Variants in RP1 observed in about 807,000 individuals in gnomAD.
RP1 encodes oxygen-regulated protein 1.
RP1 carries 16 observed loss-of-function variants against 14.8 expected under a neutral mutation model. That is an observed-to-expected ratio of 1.08 (90% CI 0.73 to 1.65). The LOEUF (loss-of-function observed/expected upper bound fraction) is 1.65. Among genes scored for constraint, RP1 ranks in the 40% most tolerant of loss-of-function variants. The pLI, the probability that RP1 is intolerant of heterozygous loss-of-function variation, is 0.00. For missense variants in RP1, 2,631 were observed against 2,535.0 expected (o/e 1.04, Z -0.81); for synonymous variants, 876 against 883.6 (o/e 0.99, Z 0.15).
At chr8:54,773,653 A>G (rs367551611), downstream of RP1, among the ~76,000 whole-genome samples, 1 of 152,086 alleles carries the variant, frequency 6.6e-6, no homozygotes, top group East Asian at 1.9e-4. Context: ...CTAACTAACT[A>G]AATAAAATAC....
At chr8:54,703,032 T>C (rs375614006) in intron 14 of RP1, among the ~76,000 whole-genome samples, 1 of 152,172 alleles carries the variant, frequency 6.6e-6, no homozygotes, top group South Asian at 2.1e-4. Context: ...TCCTCCAAAG[T>C]CTTGAACCAC....
rs1447901073 is a variant in RP1 at position 54,647,244 on chromosome 8, C to A, written c.788-1741C>A. Among the ~76,000 whole-genome samples, 3 of 151,872 alleles carry A rather than the reference C, an allele frequency of 2.0e-5. No individual in the cohort carries two copies. In the East Asian group the frequency reaches 5.8e-4, roughly 30 times the overall value. ...CAGCCTGACCAACATGGTGAAACCT[C>A]ATCTCTACGAAAATACAAAAATTAC... On this transcript the variant is annotated intron_variant, in intron 3 of 22. Coordinates refer to the RP1 transcript ENST00000636932.
At chr8:54,812,794 T>TATCG (rs1554535905) in intron 24 of RP1, among the ~76,000 whole-genome samples, 1 of 150,624 alleles carries the variant, frequency 6.6e-6, no homozygotes, top group Admixed American at 6.6e-5. Flanking sequence ...TCTATCTATC[T>TATCG]ATCTATCTAT....
chr8:54,691,620 G>A (rs996806305), intron 12 of RP1, among the ~76,000 whole-genome samples: 5 of 151,850 alleles, frequency 3.3e-5, no homozygotes, highest in African/African-American at 9.7e-5. Flanking sequence ...GAGAAGAAGA[G>A]GCATGAGAAC....
rs182224979 is a variant in RP1 at position 54,712,206 on chromosome 8, C to G, written c.2211+5551C>G. Among the ~76,000 whole-genome samples the G allele has an allele frequency of 3.6e-3, 555 of 152,150 alleles. 1 individual carries two copies. Among genetic ancestry groups the G allele is most frequent in the Middle Eastern group, 3.4e-3 (1 of 294 alleles). On this transcript the variant is annotated intron_variant, in intron 15 of 22. Transcript: ENST00000636932. ...GAATTCTAGTTTCTGTGGCCTACAT[C>G]GGGAGAGACAGGGGAGAGGGAATTT...
upstream of RP1, among the ~76,000 whole-genome samples, chr8:54,611,929 C>T (rs1422554517): frequency 6.6e-6 from 1 of 150,632 alleles, no homozygotes; most frequent in Non-Finnish European, 1.5e-5. Flanking sequence ...CCCCCTGCCC[C>T]CCAACCTTTC....
intron 24 of RP1, among the ~76,000 whole-genome samples, chr8:54,816,794 A>G (rs1240633713): frequency 6.6e-6 from 1 of 152,058 alleles, no homozygotes; most frequent in African/African-American, 2.4e-5. Flanking sequence ...TGAGGGAACC[A>G]CCTATCTTTT....
At chr8:54,698,996 C>A (rs559591242) in intron 12 of RP1, among the ~76,000 whole-genome samples, 62 of 152,130 alleles carry the variant, frequency 4.1e-4, no homozygotes, top group African/African-American at 1.3e-3. Flanking sequence ...ATATTAGAAA[C>A]CTGCACGTTG....
At chr8:54,678,120 T>C (rs1184792791) in intron 8 of RP1, among the ~76,000 whole-genome samples, 2 of 152,170 alleles carry the variant, frequency 1.3e-5, no homozygotes, top group Admixed American at 1.3e-4. Flanking sequence ...TCATCGAGTA[T>C]ATATTCTTTG....
Position 54,621,107 on chromosome 8 carries a change from A to G in RP1, c.141A>G (p.Gln47=), listed in dbSNP as rs372249141. ...RISFYKSGDP[Q]FGGVRVVVNP... Reference sequence around the variant, plus strand: ...GTTTCTACAAGAGCGGAGACCCCCAATTCGGCGGGGTCAGGGTGGTGGTCA... The same window carrying G: ...GTTTCTACAAGAGCGGAGACCCCCAGTTCGGCGGGGTCAGGGTGGTGGTCA... Residue 47 remains glutamine, a synonymous_variant, in exon 2 of 4, where the codon CAA becomes CAG. Coordinates refer to ENST00000220676, the MANE Select transcript of RP1 (RefSeq NM_006269.2). 193 of 1,614,084 alleles carry G rather than the reference A, an allele frequency of 1.2e-4. No individual in the cohort carries two copies. The highest frequency in any genetic ancestry group is 4.1e-4 in the South Asian group (37 of 91,074).
At chr8:54,754,652 C>T (rs908006844) in intron 19 of RP1, 1 of 740,474 alleles carries the variant, frequency 1.4e-6, no homozygotes, top group Non-Finnish European at 1.9e-6. Context: ...TTTGCACCAA[C>T]CTACGACTAC....
At chr8:54,698,896 G>A (rs184282191) in intron 12 of RP1, among the ~76,000 whole-genome samples, 8 of 152,052 alleles carry the variant, frequency 5.3e-5, no homozygotes, top group African/African-American at 1.9e-4. Context: ...CGGGGGTTGG[G>A]GTCCTGGGGG....
intron 3 of RP1, among the ~76,000 whole-genome samples, chr8:54,638,465 T>C (rs1049747818): frequency 1.3e-5 from 2 of 151,886 alleles, no homozygotes; most frequent in Non-Finnish European, 2.9e-5. Context: ...ATACCGTTAT[T>C]CTCATGTTTA....
rs1262106934 is a variant in RP1, at chr8:54,621,509, G to A, written c.543G>A (p.Glu181=). ...LLSRRVTQSF[E]AFLQHLTEVM... Reference sequence around the variant, plus strand: ...GCAGGAGGGTCACCCAGAGCTTCGAGGCATTTCTACAGCACCTGACAGAGG... The same window carrying A: ...GCAGGAGGGTCACCCAGAGCTTCGAAGCATTTCTACAGCACCTGACAGAGG... The change falls in exon 2 of 4, where the codon GAG becomes GAA. Residue 181 remains glutamate, a synonymous_variant. Transcript: ENST00000220676. The A allele has an allele frequency of 1.9e-6, 3 of 1,614,168 alleles. No homozygotes were observed. The highest frequency in any genetic ancestry group is 1.7e-6 in the Non-Finnish European group (2 of 1,180,044).
chr8:54,679,866 T>G (rs1440888740), exon 12 of RP1: 1 of 1,536,086 alleles, frequency 6.5e-7, no homozygotes, highest in Non-Finnish European at 8.7e-7. Context: ...ACAAGCTGAC[T>G]GGAGGGTTTG....
intron 17 of RP1, among the ~76,000 whole-genome samples, chr8:54,732,589 A>G (rs947216847): frequency 9.9e-5 from 15 of 152,176 alleles, no homozygotes; most frequent in African/African-American, 3.1e-4. Flanking sequence ...AAGTAAGTGA[A>G]TGATCGACAT....
chr8:54,844,558 A>G (rs978893541), intron 25 of RP1, among the ~76,000 whole-genome samples: 1 of 150,654 alleles, frequency 6.6e-6, no homozygotes, highest in Non-Finnish European at 1.5e-5. Flanking sequence ...CTGTGTGTGC[A>G]TATGTGTGTG....
At chr8:54,692,265 A>C (rs1807733205) in intron 12 of RP1, among the ~76,000 whole-genome samples, 1 of 150,228 alleles carries the variant, frequency 6.7e-6, no homozygotes, top group African/African-American at 2.5e-5. Context: ...TGAATAGTGC[A>C]ACAATAAACA....
intron 1 of RP1, among the ~76,000 whole-genome samples, chr8:54,616,520 A>G (rs1477420637): frequency 2.0e-5 from 3 of 152,236 alleles, no homozygotes; most frequent in Non-Finnish European, 4.4e-5. Context: ...ACACTAAAGA[A>G]GAAGACAGCT....
Sources: gnomAD v4.1 joint callset for allele counts (sites outside exome capture counted in the v4.1 genomes callset) on GRCh38, gnomAD v4.1.1 for gene constraint, MANE v1.5 for transcripts, NCBI Gene and HGNC (gene_info 2026-07-23, HGNC 2026-07-21) for gene names.